LDLRAD3: variants seen among roughly 807,000 people sequenced by gnomAD.
LDLRAD3 encodes the protein low-density lipoprotein receptor class A domain-containing protein 3.
A neutral mutation model predicts 29.4 loss-of-function variants in LDLRAD3; 20 were observed. The ratio of observed to expected loss-of-function variants is 0.68; its 90% CI spans 0.48 to 0.99. The LOEUF (loss-of-function observed/expected upper bound fraction) is 0.99. LDLRAD3 is among the 50% of genes least tolerant of loss of function. The probability of loss-of-function intolerance (pLI) is 0.00; values close to 1 mark genes in which losing one functional copy is unlikely to be tolerated. For missense variants in LDLRAD3, 420 were observed against 454.3 expected (o/e 0.92, Z 0.69); for synonymous variants, 157 against 192.7 (o/e 0.81, Z 1.53).
chr11:36,215,466 A>G (rs1047195782), intron 4 of LDLRAD3, among the ~76,000 whole-genome samples: 1 of 152,152 alleles, frequency 6.6e-6, no homozygotes, highest in African/African-American at 2.4e-5. Context: ...GGAGATTATG[A>G]AGCACAGGCA....
chr11:36,199,687 G>A (rs1009504166), intron 4 of LDLRAD3, among the ~76,000 whole-genome samples: 46 of 152,136 alleles, frequency 3.0e-4, no homozygotes, highest in Admixed American at 1.6e-3. Flanking sequence ...ACAGTAGCCC[G>A]TCCAGCTTCC....
chr11:36,083,685 G>C (rs753961866), intron 3 of LDLRAD3, among the ~76,000 whole-genome samples: 1 of 151,294 alleles, frequency 6.6e-6, no homozygotes, highest in African/African-American at 2.4e-5. Flanking sequence ...GTATCAGCTT[G>C]ATCTCTGCTT....
At chr11:36,185,144 C>A (rs1854827744) in intron 4 of LDLRAD3, among the ~76,000 whole-genome samples, 1 of 152,108 alleles carries the variant, frequency 6.6e-6, no homozygotes, top group Non-Finnish European at 1.5e-5. Context: ...AGAACCATTC[C>A]TCTGTTTATT....
intron 1 of LDLRAD3, among the ~76,000 whole-genome samples, chr11:35,951,973 C>T (rs930159524): frequency 6.6e-6 from 1 of 152,176 alleles, no homozygotes; most frequent in African/African-American, 2.4e-5. Flanking sequence ...AAAGTGTCTT[C>T]TTGGCCATCT....
At chr11:36,181,129 C>G (rs1854756185) in intron 4 of LDLRAD3, among the ~76,000 whole-genome samples, 2 of 151,874 alleles carry the variant, frequency 1.3e-5, no homozygotes. Context: ...ATGCTGACCT[C>G]TCCCAATAAA....
intron 4 of LDLRAD3, among the ~76,000 whole-genome samples, chr11:36,143,978 A>G (rs1429747112): frequency 8.0e-6 from 1 of 124,378 alleles, no homozygotes; most frequent in Non-Finnish European, 1.6e-5. Context: ...TCTGATGCCG[A>G]GCCGAAGCTG....
intron 4 of LDLRAD3, among the ~76,000 whole-genome samples, chr11:36,198,374 T>TACAC (rs34266688): frequency 2.6e-5 from 4 of 151,284 alleles, no homozygotes; most frequent in South Asian, 4.2e-4. Context: ...TGGTTAGAAA[T>TACAC]ACACACACAC....
chr11:36,099,886 G>A (rs11033424), intron 4 of LDLRAD3, among the ~76,000 whole-genome samples: 3,479 of 152,238 alleles, frequency 0.023, 150 homozygotes, highest in African/African-American at 0.079. Flanking sequence ...TGTGGGAGGC[G>A]AGTCTTGGAT....
chr11:35,956,641 A>G (rs1851204134), intron 1 of LDLRAD3, among the ~76,000 whole-genome samples: 1 of 152,244 alleles, frequency 6.6e-6, no homozygotes, highest in African/African-American at 2.4e-5. Context: ...AATCCATCAC[A>G]TCTTCGTCTG....
chr11:35,979,743 A>G (rs956648276), intron 1 of LDLRAD3, among the ~76,000 whole-genome samples: 4 of 152,168 alleles, frequency 2.6e-5, no homozygotes, highest in Non-Finnish European at 5.9e-5. Context: ...TATAAGATAT[A>G]CTGAGCCTTG....
chr11:36,116,935 G>A (rs768915355), intron 4 of LDLRAD3, among the ~76,000 whole-genome samples: 9 of 151,180 alleles, frequency 6.0e-5, no homozygotes, highest in Non-Finnish European at 1.2e-4. Flanking sequence ...TCTGCCTCCC[G>A]GGTTCAACCA....
chr11:36,205,569 C>T (rs979489174), intron 4 of LDLRAD3, among the ~76,000 whole-genome samples: 2 of 152,172 alleles, frequency 1.3e-5, no homozygotes, highest in Non-Finnish European at 2.9e-5. Context: ...CTGTTATTCC[C>T]CCAAAGTCTT....
intron 1 of LDLRAD3, among the ~76,000 whole-genome samples, chr11:35,985,124 T>C (rs1851593195): frequency 2.0e-5 from 3 of 152,072 alleles, no homozygotes; most frequent in Admixed American, 1.3e-4. Flanking sequence ...AGAGATGAGC[T>C]CTTCCTTTGT....
chr11:35,953,228 G>A (rs1357435521), intron 1 of LDLRAD3, among the ~76,000 whole-genome samples: 2 of 152,182 alleles, frequency 1.3e-5, no homozygotes, highest in African/African-American at 2.4e-5. Context: ...GTGTGCAGAC[G>A]ATGTTGTCTC....
chr11:36,012,977 G>A (rs1196465758), intron 1 of LDLRAD3, among the ~76,000 whole-genome samples: 7 of 152,166 alleles, frequency 4.6e-5, no homozygotes, highest in African/African-American at 7.2e-5. Context: ...TAAAGTTACC[G>A]TTAATTTTGA....
chr11:36,042,149 C>T (rs1323827410), intron 2 of LDLRAD3, among the ~76,000 whole-genome samples: 2 of 152,018 alleles, frequency 1.3e-5, no homozygotes, highest in Admixed American at 6.6e-5. Flanking sequence ...TGTTCAGGCT[C>T]CATACTCTTC....
intron 4 of LDLRAD3, among the ~76,000 whole-genome samples, chr11:36,114,384 A>G (rs532432388): frequency 3.3e-5 from 5 of 152,174 alleles, no homozygotes; most frequent in African/African-American, 7.2e-5. Context: ...CTTTGCCCCA[A>G]ATGTCAAGTG....
At chr11:36,191,576 C>CTCTATATATATATA (rs377747518) in intron 4 of LDLRAD3, among the ~76,000 whole-genome samples, 1 of 53,430 alleles carries the variant, frequency 1.9e-5, no homozygotes, top group Non-Finnish European at 3.4e-5. Flanking sequence ...CTCTCTCTCT[C>CTCTATATATATATA]TATATATATA....
In LDLRAD3 at chr11:36,065,784, A is replaced by G. The variant is rs144046144; in HGVS notation, c.194-15869A>G. Among the ~76,000 whole-genome samples the G allele has an allele frequency of 2.2e-3, 341 of 152,214 alleles. 1 individual carries two copies. The highest frequency in any genetic ancestry group is 7.9e-3 in the African/African-American group (329 of 41,520). On this transcript the variant is annotated intron_variant, in intron 2 of 5. Transcript: ENST00000315571. ...TTATCTTCACATTGTAGGCCTTTAT[A>G]TCTGCCCTTTGCAGGTGTTTTGAGA... is the stretch of plus-strand genomic sequence containing the variant.
Sources: gnomAD v4.1 joint callset for allele counts (sites outside exome capture counted in the v4.1 genomes callset) on GRCh38, gnomAD v4.1.1 for gene constraint, MANE v1.5 for transcripts, NCBI Gene and HGNC (gene_info 2026-07-23, HGNC 2026-07-21) for gene names.